Variants in CENPF observed in about 807,000 individuals in gnomAD.
CENPF encodes the protein centromere protein F.
Under a neutral mutation model 307.3 loss-of-function variants are expected in CENPF, and 214 were observed. The observed-to-expected ratio is 0.70, with a 90% CI of 0.62 to 0.78. The LOEUF is 0.78. Among genes scored for constraint, CENPF ranks in the 30% least tolerant of loss-of-function variants. The pLI, the probability that CENPF is intolerant of heterozygous loss-of-function variation, is 0.00. For synonymous variants in CENPF, 1,259 were observed against 1,270.6 expected (o/e 0.99, Z 0.19); for missense variants, 3,401 against 3,483.9 (o/e 0.98, Z 0.60).
At chr1:214,616,111 C>A (rs1340564232) in intron 3 of CENPF, among the ~76,000 whole-genome samples, 1 of 152,020 alleles carries the variant, frequency 6.6e-6, no homozygotes, top group Non-Finnish European at 1.5e-5. Context: ...TGGAGATTGG[C>A]AATCTCATAT....
chr1:214,619,369 G>A, intron 5 of CENPF, 149 bp downstream of exon 5: 1 of 488,486 alleles, frequency 2.0e-6, no homozygotes, highest in Middle Eastern at 3.9e-4. Context: ...CTCAGTGGAG[G>A]TGATTATTTT....
intron 7 of CENPF, 143 bp from the exon 8 acceptor site, chr1:214,628,903 C>T (rs1657729567): frequency 1.8e-6 from 1 of 548,968 alleles, no homozygotes; most frequent in Non-Finnish European, 3.1e-6. Context: ...TTTAAGTGGG[C>T]TAATGCTTTA....
intron 1 of CENPF, among the ~76,000 whole-genome samples, chr1:214,606,790 C>T (rs1010225356): frequency 1.3e-5 from 2 of 152,144 alleles, no homozygotes; most frequent in African/African-American, 4.8e-5. Flanking sequence ...CAGCCCGTGA[C>T]CCAGCTGATC....
At position 214,621,426 on chromosome 1, in the gene CENPF, G is replaced by GTACC. The variant is rs1173337488; in HGVS notation, c.865+481_865+484dup. Among the ~76,000 whole-genome samples the GTACC allele has an allele frequency of 2.0e-5, 3 of 152,340 alleles. No individual in the cohort carries two copies. The East Asian group carries it at 5.8e-4, about 29-fold the overall frequency. On this transcript the variant is annotated intron_variant, in intron 6 of 19. Coordinates refer to ENST00000366955, the MANE Select transcript of CENPF (RefSeq NM_016343.4). The stretch of plus-strand genomic sequence containing the variant: ...GCCACGCTGCAGCTGACAGCCAAGG[G>GTACC]TACCAGGTGGTGTTTTGGAATCTAC...
chr1:214,622,413 G>A lies in CENPF; in HGVS notation c.1068+132G>A, dbSNP rs1657533181. On this transcript the variant is annotated intron_variant, in intron 7 of 19. Transcript: ENST00000366955. ...TTAATATATATTAGGTACTCTTGAT[G>A]CAACTGAACTAGAAAGCTGTTTTAA... 5 of 784,772 alleles carry A rather than the reference G, an allele frequency of 6.4e-6. No individual in the cohort carries two copies. The Admixed American group carries it at 1.6e-4, about 25-fold the overall frequency. The allele number at this position is 784,772 out of a possible 1,614,324, so 48.6% of individuals were successfully genotyped here.
chr1:214,661,393 A>T (rs2102424710), intron 19 of CENPF, among the ~76,000 whole-genome samples: 1 of 152,316 alleles, frequency 6.6e-6, no homozygotes, highest in Admixed American at 6.5e-5. Flanking sequence ...GTATTACATC[A>T]CTTAGTTTTA....
chr1:214,646,546 G>C lies in CENPF; in HGVS notation c.6976G>C (p.Glu2326Gln), dbSNP rs752086622. 2 of 1,614,096 alleles carry C rather than the reference G, an allele frequency of 1.2e-6. No homozygotes were observed. Among genetic ancestry groups the C allele is most frequent in the Non-Finnish European group, 1.7e-6 (2 of 1,180,000 alleles). The change falls in exon 13 of 20, where the codon GAA becomes CAA. Residue 2326 changes from glutamate to glutamine, a missense_variant. Coordinates refer to ENST00000366955, the MANE Select transcript of CENPF (RefSeq NM_016343.4). ...KQLCVLQQLKESEHHADLLKG... is the reference protein window; with the variant it reads ...KQLCVLQQLKQSEHHADLLKG... ...GCTCTGTGTCTTACAACAACTGAAGGAAAGTGAGCATCATGCAGATTTACT... is the reference window on the plus strand; with the variant it reads ...GCTCTGTGTCTTACAACAACTGAAGCAAAGTGAGCATCATGCAGATTTACT...
intron 5 of CENPF, 29 bp from the exon 6 acceptor site, chr1:214,620,626 A>G: frequency 6.4e-7 from 1 of 1,571,172 alleles, no homozygotes; most frequent in Non-Finnish European, 8.6e-7. Flanking sequence ...AGATCTTTAA[A>G]GGCCTCTAAA....
rs754184289 is a variant in CENPF at position 214,645,010 on chromosome 1, C to T, written c.5440C>T (p.Gln1814Ter). 3.1e-6 allele frequency: 5 copies of T among 1,613,484 alleles called. No individual in the cohort carries two copies. Among genetic ancestry groups the T allele is most frequent in the Non-Finnish European group, 3.4e-6 (4 of 1,179,906 alleles). The change falls in exon 13 of 20, where the codon CAG becomes TAG. Residue 1814 changes from glutamine to a stop codon, truncating the protein, a stop_gained. Coordinates refer to ENST00000366955, the MANE Select transcript of CENPF (RefSeq NM_016343.4). LOFTEE classifies it high-confidence loss of function. ...MKELDSKLHL[Q>*]EVQLMTKIEA... ...AGAATTAGACTCAAAACTCCATTTA[C>T]AGGAGGTACAACTAATGACCAAAAT...
chr1:214,630,794 G>A, intron 9 of CENPF, 132 bp downstream of exon 9: 1 of 1,193,586 alleles, frequency 8.4e-7, no homozygotes, highest in Non-Finnish European at 1.2e-6. Flanking sequence ...CTATCAAAGT[G>A]GAGAATGTAC....
chr1:214,630,781 T>C, intron 9 of CENPF, 119 bp downstream of exon 9: 1 of 1,287,168 alleles, frequency 7.8e-7, no homozygotes, highest in Non-Finnish European at 1.1e-6. Context: ...ACCTTCACTT[T>C]CCCTATCAAA....
In CENPF at chr1:214,641,057, G is replaced by A; in HGVS notation, c.2719G>A (p.Glu907Lys). ...NVVAETLSAL[E>K]NKEKELQLLN... ...TGTTGCTGAAACCTTAAGTGCCCTT[G>A]AGAACAAGGAAAAAGAGCTGCAACT... The change falls in exon 12 of 20, where the codon GAG (glutamate) becomes AAG (lysine). Residue 907 changes from glutamate (E) to lysine (K), a missense_variant. Glu to Lys is a moderately conservative substitution (Grantham distance 56). Coordinates refer to ENST00000366955, the MANE Select transcript of CENPF (RefSeq NM_016343.4). 6.4e-7 allele frequency: 1 copy of A among 1,563,532 alleles called. No homozygotes were observed. Among genetic ancestry groups the A allele is most frequent in the South Asian group, 1.2e-5 (1 of 81,198 alleles).
intron 1 of CENPF, chr1:214,605,434 C>A: frequency 2.0e-6 from 1 of 507,598 alleles, no homozygotes; most frequent in Non-Finnish European, 3.5e-6. Context: ...CTAGAAGAAT[C>A]CGCTTTGTTT....
chr1:214,649,906 G>A (rs1658416314), intron 14 of CENPF, among the ~76,000 whole-genome samples: 1 of 152,198 alleles, frequency 6.6e-6, no homozygotes. Context: ...TAAATAATAA[G>A]TGCTAGTAAG....
At chr1:214,643,569 A>G (rs909324713) in intron 12 of CENPF, among the ~76,000 whole-genome samples, 2 of 152,222 alleles carry the variant, frequency 1.3e-5, no homozygotes, top group African/African-American at 4.8e-5. Context: ...ATTACTAAAG[A>G]TGTTTTTAAA....
At chr1:214,608,577 G>C in intron 1 of CENPF, 1 of 1,610,096 alleles carries the variant, frequency 6.2e-7, no homozygotes, top group East Asian at 2.2e-5. Context: ...TGGTGGGGAA[G>C]ACCTCAATGG....
chr1:214,612,023 TAGG>T (rs1657213246), intron 1 of CENPF, among the ~76,000 whole-genome samples: 1 of 152,182 alleles, frequency 6.6e-6, no homozygotes, highest in Non-Finnish European at 1.5e-5. Context: ...GTATGTTGAA[TAGG>T]AGTAGTGGAA....
rs1658089734 is a variant in CENPF, at chr1:214,640,793, G to A, written c.2455G>A (p.Asp819Asn). 6.2e-7 allele frequency: 1 copy of A among 1,607,706 alleles called. No homozygotes were observed. Among genetic ancestry groups the A allele is most frequent in the Non-Finnish European group, 8.5e-7 (1 of 1,177,948 alleles). ...SERSECRLEA[D>N]QSPKNSAILQ... ...GAGGAGTGAATGTCGTTTAGAAGCA[G>A]ACCAAAGTCCGAAAAATTCTGCCAT... The change falls in exon 12 of 20, where the codon GAC becomes AAC. Residue 819 changes from aspartate to asparagine, a missense_variant. Coordinates refer to ENST00000366955, the MANE Select transcript of CENPF (RefSeq NM_016343.4).
rs1399909239 is a variant in CENPF at position 214,614,847 on chromosome 1, A to T, written c.178A>T (p.Thr60Ser). 1 of 1,578,214 alleles carries T rather than the reference A, an allele frequency of 6.3e-7. No individual in the cohort carries two copies. Among genetic ancestry groups the T allele is most frequent in the Non-Finnish European group, 8.6e-7 (1 of 1,166,602 alleles). Reference protein sequence around the residue: ...KQKQKVENEKTEGTNLKRENQ... With the variant: ...KQKQKVENEKSEGTNLKRENQ... ...TTCTCATTAGGTTGAAAATGAAAAA[A>T]CCGAGGGTACAAACCTGAAAAGGGA... Residue 60 changes from threonine (T) to serine (S), a missense_variant, in exon 3 of 20, where the codon ACC becomes TCC. By Grantham distance (58) the Thr-to-Ser change is moderately conservative. Transcript: ENST00000366955.
Sources: gnomAD v4.1 joint callset for allele counts (sites outside exome capture counted in the v4.1 genomes callset) on GRCh38, gnomAD v4.1.1 for gene constraint, MANE v1.5 for transcripts, NCBI Gene and HGNC (gene_info 2026-07-23, HGNC 2026-07-21) for gene names.